The following SLC36A4 variants were observed in gnomAD, a reference collection of about 807,000 sequenced individuals.
SLC36A4 encodes the protein neutral amino acid uniporter 4.
In SLC36A4, 49 loss-of-function variants were observed where a neutral mutation model predicts 50.5. The observed-to-expected ratio is 0.97, with a 90% CI of 0.77 to 1.23. The LOEUF is 1.23. Among genes scored for constraint, SLC36A4 ranks in the 50% most tolerant of loss-of-function variants. The pLI, the probability that SLC36A4 is intolerant of heterozygous loss-of-function variation, is 0.00. For synonymous variants in SLC36A4, 207 were observed against 206.5 expected, an observed-to-expected ratio of 1.00 and a Z score of -0.02; for missense variants, 611 against 608.4, an observed-to-expected ratio of 1.00 and a Z score of -0.05.
At chr11:93,194,237 T>A (rs892290070) in intron 1 of SLC36A4, among the ~76,000 whole-genome samples, 2 of 151,956 alleles carry the variant, frequency 1.3e-5, no homozygotes, top group Non-Finnish European at 2.9e-5. Context: ...ATAAAAAAAA[T>A]TTAAAAAAGT....
At chr11:93,197,448 G>A in intron 1 of SLC36A4, 1 of 442,712 alleles carries the variant, frequency 2.3e-6, no homozygotes, top group South Asian at 3.2e-5. Context: ...AGCATCATTG[G>A]GAAAAAAACC....
chr11:93,180,453 CT>C, intron 6 of SLC36A4: 2 of 367,626 alleles, frequency 5.4e-6, no homozygotes, highest in Non-Finnish European at 7.5e-6. Flanking sequence ...TGGCTAAAGC[CT>C]TATATAGTTC....
At chr11:93,181,828 T>G in intron 4 of SLC36A4, 42 bp from the exon 5 acceptor site, 1 of 1,472,538 alleles carries the variant, frequency 6.8e-7, no homozygotes, top group Non-Finnish European at 9.1e-7. Context: ...AAAGAAAAAT[T>G]TTAAGGTGGT....
At chr11:93,180,906 G>A in intron 5 of SLC36A4, 25 bp from the exon 6 acceptor site, 1 of 1,435,666 alleles carries the variant, frequency 7.0e-7, no homozygotes, top group Non-Finnish European at 9.8e-7. Context: ...CCACAAATGA[G>A]TATCCAGGAG....
chr11:93,174,459 C>T (rs1216901179), intron 6 of SLC36A4, among the ~76,000 whole-genome samples: 5 of 147,752 alleles, frequency 3.4e-5, no homozygotes, highest in East Asian at 2.0e-4. Flanking sequence ...TGCCTAATTG[C>T]CCTGGCCAGA....
At chr11:93,196,005 A>G (rs549076256) in intron 1 of SLC36A4, among the ~76,000 whole-genome samples, 30 of 152,144 alleles carry the variant, frequency 2.0e-4, no homozygotes, top group Non-Finnish European at 3.5e-4. Flanking sequence ...GCTTCCCATT[A>G]CTAAATACAA....
chr11:93,162,792 C>G lies in SLC36A4; in HGVS notation c.951G>C (p.Leu317Phe). 1 of 1,613,032 alleles carries G rather than the reference C, an allele frequency of 6.2e-7. No homozygotes were observed. Among genetic ancestry groups the G allele is most frequent in the Non-Finnish European group, 8.5e-7 (1 of 1,179,218 alleles). ...ATCCTAAAGTAGCTAATGTTACATACAAAGTTGTAACAATCCCCATGCCAA... is the reference window on the plus strand; with the variant it reads ...ATCCTAAAGTAGCTAATGTTACATAGAAAGTTGTAACAATCCCCATGCCAA... ...LNIGMGIVTT[L>F]YVTLATLGYM... is the part of the protein sequence containing the mutation. The change falls in exon 9 of 11, where the codon TTG becomes TTC. Residue 317 changes from leucine to phenylalanine, a missense_variant. Physicochemically the swap from Leu to Phe is conservative, Grantham distance 22. Coordinates refer to ENST00000326402, the MANE Select transcript of SLC36A4 (RefSeq NM_152313.4).
chr11:93,170,635 T>C (rs1861091324), intron 6 of SLC36A4, among the ~76,000 whole-genome samples: 2 of 152,108 alleles, frequency 1.3e-5, no homozygotes, highest in South Asian at 4.1e-4. Flanking sequence ...TTGATATTGC[T>C]ACATTTTTTA....
At chr11:93,180,180 A>T in intron 6 of SLC36A4, 1 of 983,424 alleles carries the variant, frequency 1.0e-6, no homozygotes, top group Non-Finnish European at 1.2e-6. Context: ...TAATGATACC[A>T]GTCATAAAAG....
chr11:93,187,019 T>C (rs1862012047), intron 1 of SLC36A4, among the ~76,000 whole-genome samples: 1 of 152,214 alleles, frequency 6.6e-6, no homozygotes, highest in Admixed American at 6.5e-5. Context: ...GAGGGTCTCA[T>C]GGGCACAGTG....
rs565739529 is a variant in SLC36A4 at position 93,169,116 on chromosome 11, A to T, written c.541-945T>A. ...GTCTCTGGATACACACACTCTAAAA[A>T]TTCTTAAGACCTTGTAATAATAATA... On this transcript the variant is annotated intron_variant, in intron 6 of 10. Transcript: ENST00000326402. Among the ~76,000 whole-genome samples the T allele has an allele frequency of 2.0e-4, 31 of 152,202 alleles. 1 individual carries two copies. The highest frequency in any genetic ancestry group is 7.5e-4 in the African/African-American group (31 of 41,534).
At chr11:93,175,181 T>A (rs1247724356) in intron 6 of SLC36A4, among the ~76,000 whole-genome samples, 1 of 150,772 alleles carries the variant, frequency 6.6e-6, no homozygotes, top group East Asian at 2.0e-4. Context: ...CTTGGGAGAG[T>A]GTATGTGTCG....
At position 93,185,690 on chromosome 11, in the gene SLC36A4, C is replaced by T. The variant is rs759794346; in HGVS notation, c.179+1G>A. ...GGAGACTTATAAACCATAACACTTA[C>T]GAAATGCCCTCTTGATCATCAAGTT... is the stretch of plus-strand genomic sequence containing the variant. On this transcript the variant is annotated splice_donor_variant, in intron 2 of 10. Coordinates refer to ENST00000326402, the MANE Select transcript of SLC36A4 (RefSeq NM_152313.4). LOFTEE classifies it high-confidence loss of function. 36 of 1,581,328 alleles carry T rather than the reference C, an allele frequency of 2.3e-5. No homozygotes were observed. Among genetic ancestry groups the T allele is most frequent in the African/African-American group, 8.2e-5 (6 of 72,956 alleles).
At chr11:93,157,989 T>G (rs973119936) in intron 9 of SLC36A4, among the ~76,000 whole-genome samples, 1 of 152,174 alleles carries the variant, frequency 6.6e-6, no homozygotes, top group African/African-American at 2.4e-5. Context: ...AATAGTATTC[T>G]GCTATAACAT....
intron 6 of SLC36A4, among the ~76,000 whole-genome samples, chr11:93,176,005 T>G (rs1396956208): frequency 3.1e-5 from 4 of 129,078 alleles, no homozygotes; most frequent in Non-Finnish European, 3.2e-5. Context: ...GGTATCCTTG[T>G]TGACTTTCTG....
rs533804456 is a variant in SLC36A4 at position 93,158,265 on chromosome 11, G to A, written c.1038-3988C>T. ...TGTGGATAATTAAACAAATATTCTT[G>A]TTAGTTAATTAGTTTAACAGGACAT... On this transcript the variant is annotated intron_variant, in intron 9 of 10. Transcript: ENST00000326402. 4.6e-5 allele frequency among the ~76,000 whole-genome samples: 7 copies of A among 152,020 alleles called. 1 individual carries two copies. In the South Asian group the frequency reaches 1.5e-3, roughly 32 times the overall value.
At chr11:93,193,704 T>C (rs1326613638) in intron 1 of SLC36A4, among the ~76,000 whole-genome samples, 1 of 152,102 alleles carries the variant, frequency 6.6e-6, no homozygotes, top group Non-Finnish European at 1.5e-5. Flanking sequence ...GCCAAGAAAA[T>C]TGTTTGAATC....
Position 93,146,899 on chromosome 11 carries a change from G to A in SLC36A4, c.*1638C>T, listed in dbSNP as rs191947097. The A allele has an allele frequency of 4.6e-5, 7 of 152,188 alleles. No homozygotes were observed. The highest frequency in any genetic ancestry group is 1.7e-4 in the African/African-American group (7 of 41,574). The allele number at this position is 152,188 out of a possible 1,614,324, so 9.4% of individuals were successfully genotyped here. On this transcript the variant is annotated 3_prime_UTR_variant, in exon 11 of 11. Coordinates refer to ENST00000326402, the MANE Select transcript of SLC36A4 (RefSeq NM_152313.4). ...TATTTGTCTGAAAGAAGCCTGGAGTGTCTCAATATTTAGAAGGGAGTTTAT... is the reference window on the plus strand; with the variant it reads ...TATTTGTCTGAAAGAAGCCTGGAGTATCTCAATATTTAGAAGGGAGTTTAT...
chr11:93,163,129 G>T (rs972850107), intron 8 of SLC36A4, among the ~76,000 whole-genome samples: 3 of 151,604 alleles, frequency 2.0e-5, no homozygotes, highest in African/African-American at 7.3e-5. Context: ...TTTATTTTGG[G>T]ATAATTTTAG....
Sources: allele counts gnomAD v4.1 joint callset (sites outside exome capture counted in the v4.1 genomes callset), GRCh38; gene constraint gnomAD v4.1.1; transcripts MANE v1.5; gene names NCBI Gene and HGNC (gene_info 2026-07-23, HGNC 2026-07-21).